Variants in WIPF1 observed in about 807,000 individuals in gnomAD.
The protein encoded by WIPF1 is WAS/WASL interacting protein family member 1.
A neutral mutation model predicts 35.4 loss-of-function variants in WIPF1; 13 were observed. The ratio of observed to expected loss-of-function variants is 0.37; its 90% confidence interval spans 0.24 to 0.58. The LOEUF (loss-of-function observed/expected upper bound fraction) is 0.58, where lower values mean the gene tolerates loss of function less well. WIPF1 is among the 20% of genes least tolerant of loss of function. The probability of loss-of-function intolerance (pLI) is 0.74; values close to 1 mark genes in which losing one functional copy is unlikely to be tolerated. For synonymous variants in WIPF1, 267 were observed against 266.3 expected (o/e 1.00, Z -0.02); for missense variants, 591 against 667.0 (o/e 0.89, Z 1.25).
At chr2:174,583,148 G>A (rs1685292159) in intron 2 of WIPF1, among the ~76,000 whole-genome samples, 1 of 152,176 alleles carries the variant, frequency 6.6e-6, no homozygotes, top group South Asian at 2.1e-4. Flanking sequence ...AAGCATGCTT[G>A]TTAAAAGTTT....
chr2:174,650,603 A>C (rs1037615494), intron 1 of WIPF1, among the ~76,000 whole-genome samples: 1 of 151,960 alleles, frequency 6.6e-6, no homozygotes, highest in Non-Finnish European at 1.5e-5. Flanking sequence ...ATGATGATTG[A>C]CTCTCTTTAG....
chr2:174,598,266 G>C (rs369110263), upstream of WIPF1: 8 of 152,252 alleles, frequency 5.3e-5, no homozygotes, highest in African/African-American at 1.9e-4. Context: ...AAAGAGAGCA[G>C]GTCAGGTGTA....
intron 7 of WIPF1, among the ~76,000 whole-genome samples, chr2:174,563,330 G>A (rs1032921594): frequency 6.6e-6 from 1 of 152,184 alleles, no homozygotes; most frequent in Non-Finnish European, 1.5e-5. Context: ...CCAGCACTTT[G>A]AGAGGTTGAG....
intron 1 of WIPF1, among the ~76,000 whole-genome samples, chr2:174,640,009 T>A (rs963980489): frequency 6.6e-6 from 1 of 152,118 alleles, no homozygotes; most frequent in African/African-American, 2.4e-5. Context: ...TGTTTGCAGA[T>A]GACATGATCT....
At chr2:174,672,538 G>A (rs1688041073) in intron 1 of WIPF1, among the ~76,000 whole-genome samples, 1 of 152,236 alleles carries the variant, frequency 6.6e-6, no homozygotes, top group Non-Finnish European at 1.5e-5. Flanking sequence ...TTAGCTAAAT[G>A]AGAAATGTGA....
Position 174,562,088 on chromosome 2 carries a change from T to TTC in WIPF1, c.*457_*458dup. The TTC allele has an allele frequency of 1.3e-6, 2 of 1,550,676 alleles. No homozygotes were observed. The highest frequency in any genetic ancestry group is 1.7e-6 in the Non-Finnish European group (2 of 1,147,010). ...GATTGGACATCCTGTGACTGCAAGT[T>TTC]TCCAGTGAGCCCTTACTCAGCAGCT... On this transcript the variant is annotated 3_prime_UTR_variant, in exon 8 of 8. Coordinates refer to ENST00000679041, the MANE Select transcript of WIPF1 (RefSeq NM_001375834.1).
chr2:174,668,024 C>G (rs1185094992), intron 1 of WIPF1, among the ~76,000 whole-genome samples: 1 of 152,166 alleles, frequency 6.6e-6, no homozygotes, highest in African/African-American at 2.4e-5. Flanking sequence ...CACCACCTTG[C>G]TAAGCACCCT....
chr2:174,665,716 T>C, intron 1 of WIPF1: 1 of 151,040 alleles, frequency 6.6e-6, no homozygotes, highest in Admixed American at 6.5e-5. Context: ...TTTCTGTTTA[T>C]CTATCCTGTA....
At chr2:174,604,340 G>C (rs1037830442) in intron 1 of WIPF1, among the ~76,000 whole-genome samples, 2 of 152,128 alleles carry the variant, frequency 1.3e-5, no homozygotes, top group Admixed American at 1.3e-4. Flanking sequence ...TGTATAAAAG[G>C]CCATCTCTTC....
chr2:174,651,455 C>T (rs1687531401), intron 1 of WIPF1, among the ~76,000 whole-genome samples: 1 of 152,158 alleles, frequency 6.6e-6, no homozygotes, highest in South Asian at 2.1e-4. Context: ...ACAATAGTAA[C>T]ATACCTTTTC....
intron 1 of WIPF1, among the ~76,000 whole-genome samples, chr2:174,677,960 C>CAAGT: frequency 6.6e-6 from 1 of 152,284 alleles, no homozygotes; most frequent in Admixed American, 6.5e-5. Context: ...GGACCTTGGG[C>CAAGT]AAGTTACCTA....
chr2:174,630,544 T>G (rs757616371), intron 1 of WIPF1: 2 of 152,240 alleles, frequency 1.3e-5, no homozygotes, highest in Non-Finnish European at 2.9e-5. Flanking sequence ...GCAACTCTTC[T>G]TGTCATTTTC....
intron 3 of WIPF1, among the ~76,000 whole-genome samples, chr2:174,580,218 T>TG (rs1222767091): frequency 1.3e-5 from 2 of 152,234 alleles, no homozygotes; most frequent in African/African-American, 4.8e-5. Context: ...CTAAAAGTGC[T>TG]GGAATTACAG....
chr2:174,678,708 A>G (rs934963988), intron 1 of WIPF1, among the ~76,000 whole-genome samples: 13 of 152,272 alleles, frequency 8.5e-5, no homozygotes, highest in Admixed American at 7.2e-4. Flanking sequence ...TCAAAGGGCC[A>G]GGAAAAGTGA....
At chr2:174,650,471 C>A (rs542025632) in intron 1 of WIPF1, among the ~76,000 whole-genome samples, 2 of 152,178 alleles carry the variant, frequency 1.3e-5, no homozygotes, top group Non-Finnish European at 2.9e-5. Context: ...TACAGTTATA[C>A]GGCAAACACC....
chr2:174,670,947 G>A (rs901232765), intron 1 of WIPF1, among the ~76,000 whole-genome samples: 1 of 152,190 alleles, frequency 6.6e-6, no homozygotes. Flanking sequence ...AAGCTACAAA[G>A]GCTGACACAT....
At chr2:174,593,949 G>A (rs1204618164) in intron 1 of WIPF1, among the ~76,000 whole-genome samples, 6 of 152,242 alleles carry the variant, frequency 3.9e-5, no homozygotes, top group Admixed American at 6.5e-5. Flanking sequence ...TCCAGAGGAA[G>A]CAAAAGGCAG....
intron 3 of WIPF1, among the ~76,000 whole-genome samples, chr2:174,577,704 T>C (rs755324596): frequency 1.2e-4 from 19 of 152,196 alleles, no homozygotes; most frequent in Middle Eastern, 3.4e-3. Context: ...GGCGGGTGGA[T>C]TGCTTGAGCT....
rs1237483940 is a variant in WIPF1 at position 174,635,284 on chromosome 2, G to T, written c.-39+47490C>A. Among the ~76,000 whole-genome samples, 3 of 152,270 alleles carry T rather than the reference G, an allele frequency of 2.0e-5. No homozygotes were observed. In the East Asian group the frequency reaches 5.8e-4, roughly 29 times the overall value. ...GACCTCCAAAATATGCCAGCATTTTGGTTTCCCTTGAAAGGGCTGGGCATC... is the reference window on the plus strand; with the variant it reads ...GACCTCCAAAATATGCCAGCATTTTTGTTTCCCTTGAAAGGGCTGGGCATC... On this transcript the variant is annotated intron_variant, in intron 1 of 8. Transcript: ENST00000272746.
Sources: gnomAD v4.1 joint callset for allele counts (sites outside exome capture counted in the v4.1 genomes callset) on GRCh38, gnomAD v4.1.1 for gene constraint, MANE v1.5 for transcripts, NCBI Gene and HGNC (gene_info 2026-07-23, HGNC 2026-07-21) for gene names.